The following DCC variants were observed in gnomAD, a reference collection of about 807,000 sequenced individuals.
The protein encoded by DCC is DCC netrin 1 receptor.
In DCC, 58 loss-of-function variants were observed where a neutral mutation model predicts 172.5. The observed-to-expected ratio is 0.34, with a 90% CI of 0.27 to 0.42. The LOEUF (loss-of-function observed/expected upper bound fraction) is 0.42. DCC is among the 10% of genes least tolerant of loss of function. The probability of loss-of-function intolerance (pLI) is 1.00; values close to 1 mark genes in which losing one functional copy is unlikely to be tolerated. For missense variants in DCC, 1,740 were observed against 1,791.0 expected (o/e 0.97, Z 0.51); for synonymous variants, 709 against 644.5 (o/e 1.10, Z -1.52).
chr18:53,216,690 A>T (rs1033989082), intron 12 of DCC, among the ~76,000 whole-genome samples: 21 of 152,196 alleles, frequency 1.4e-4, no homozygotes, highest in Admixed American at 1.3e-4. Flanking sequence ...GATTTGTCTC[A>T]GTCAAATGAA....
chr18:53,301,032 C>A (rs1045510245), intron 12 of DCC, among the ~76,000 whole-genome samples: 2 of 43,080 alleles, frequency 4.6e-5, no homozygotes, highest in African/African-American at 1.2e-4. Context: ...TTTTCTTTTT[C>A]TTTTTCTTCC....
chr18:52,564,669 G>C (rs757557523), intron 1 of DCC, among the ~76,000 whole-genome samples: 3 of 58,972 alleles, frequency 5.1e-5, no homozygotes, highest in Admixed American at 2.0e-4. Context: ...TATAATATTG[G>C]GGGGGGGGGT....
At chr18:52,410,945 A>G (rs1034954577) in intron 1 of DCC, among the ~76,000 whole-genome samples, 14 of 152,154 alleles carry the variant, frequency 9.2e-5, no homozygotes, top group Non-Finnish European at 1.9e-4. Flanking sequence ...ATCTGAGTCT[A>G]CTTAAAGCAC....
chr18:53,465,519 T>A (rs977036279), intron 24 of DCC, among the ~76,000 whole-genome samples: 1 of 152,158 alleles, frequency 6.6e-6, no homozygotes. Context: ...TGTTCTTGTC[T>A]GTAGTTTTAA....
intron 1 of DCC, among the ~76,000 whole-genome samples, chr18:52,407,200 CA>C (rs1986683181): frequency 6.6e-6 from 1 of 152,034 alleles, no homozygotes; most frequent in Admixed American, 6.6e-5. Flanking sequence ...TGGGGTCAGC[CA>C]GTCCTGAGTC....
chr18:52,994,492 G>A (rs1038930431), intron 5 of DCC, among the ~76,000 whole-genome samples: 1 of 152,094 alleles, frequency 6.6e-6, no homozygotes, highest in Non-Finnish European at 1.5e-5. Context: ...CTCAGTTTCT[G>A]GTGGGATATG....
chr18:52,568,268 G>A (rs967296411), intron 1 of DCC, among the ~76,000 whole-genome samples: 1 of 152,028 alleles, frequency 6.6e-6, no homozygotes, highest in Non-Finnish European at 1.5e-5. Flanking sequence ...CTACACAAAT[G>A]TCTACAGCTG....
At chr18:52,918,897 TA>T in intron 3 of DCC, among the ~76,000 whole-genome samples, 1 of 152,328 alleles carries the variant, frequency 6.6e-6, no homozygotes, top group South Asian at 2.1e-4. Context: ...ATATTTCAGT[TA>T]TTTTTTGCAG....
intron 1 of DCC, among the ~76,000 whole-genome samples, chr18:52,577,878 A>G (rs1188079261): frequency 1.3e-5 from 2 of 152,230 alleles, no homozygotes; most frequent in East Asian, 1.9e-4. Context: ...AAAAACAAGT[A>G]GTTGGACAGC....
intron 2 of DCC, among the ~76,000 whole-genome samples, chr18:52,869,646 G>A (rs1474935693): frequency 6.6e-6 from 1 of 152,192 alleles, no homozygotes; most frequent in African/African-American, 2.4e-5. Context: ...GCACCAGCAG[G>A]CCAGCACCGA....
intron 2 of DCC, among the ~76,000 whole-genome samples, chr18:52,768,629 T>C (rs2037292494): frequency 6.6e-6 from 1 of 152,206 alleles, no homozygotes; most frequent in Non-Finnish European, 1.5e-5. Context: ...CATAAGACCT[T>C]TTTCTAAAGC....
At chr18:52,421,459 C>G (rs1469958165) in intron 1 of DCC, among the ~76,000 whole-genome samples, 1 of 152,182 alleles carries the variant, frequency 6.6e-6, no homozygotes, top group African/African-American at 2.4e-5. Flanking sequence ...AGCAGAGATT[C>G]CCAGACTCCA....
intron 15 of DCC, among the ~76,000 whole-genome samples, chr18:53,357,579 A>T (rs2057891430): frequency 6.6e-6 from 1 of 152,214 alleles, no homozygotes; most frequent in African/African-American, 2.4e-5. Flanking sequence ...GTGCATCATA[A>T]GTATTGGTTA....
rs543339067 is a variant in DCC, at chr18:52,599,165, G to A, written c.92-152889G>A. Among the ~76,000 whole-genome samples the A allele has an allele frequency of 2.6e-5, 4 of 152,102 alleles. No individual in the cohort carries two copies. In the East Asian group the frequency reaches 5.8e-4, roughly 22 times the overall value. On this transcript the variant is annotated intron_variant, in intron 1 of 28. Transcript: ENST00000442544. ...GAGAAATACTGGAGCCAGGGAGACCGTTTTACAGTAATCTATCTGGGAGAT... is the reference window on the plus strand; with the variant it reads ...GAGAAATACTGGAGCCAGGGAGACCATTTTACAGTAATCTATCTGGGAGAT...
At chr18:52,405,903 A>G (rs886249637) in intron 1 of DCC, among the ~76,000 whole-genome samples, 6 of 151,764 alleles carry the variant, frequency 4.0e-5, no homozygotes, top group East Asian at 1.9e-4. Context: ...GAGGCATCAC[A>G]CTACCTGACT....
intron 11 of DCC, among the ~76,000 whole-genome samples, chr18:53,211,702 T>A (rs535881333): frequency 9.6e-4 from 146 of 151,608 alleles, no homozygotes; most frequent in Non-Finnish European, 1.5e-3. Context: ...GCAGCCTGGG[T>A]GACAGAGCGA....
chr18:52,531,499 T>C (rs2032149492), intron 1 of DCC, among the ~76,000 whole-genome samples: 1 of 152,210 alleles, frequency 6.6e-6, no homozygotes, highest in African/African-American at 2.4e-5. Flanking sequence ...GGTTTGTATT[T>C]GGCATTTAAA....
intron 5 of DCC, among the ~76,000 whole-genome samples, chr18:53,000,610 T>TA (rs1380854793): frequency 1.8e-4 from 16 of 89,442 alleles, no homozygotes; most frequent in Admixed American, 1.4e-3. Flanking sequence ...TTTTTTTTTT[T>TA]AACATCCAGA....
intron 1 of DCC, among the ~76,000 whole-genome samples, chr18:52,427,816 C>CTTCCTTTT (rs1987482495): frequency 7.7e-5 from 7 of 90,420 alleles, no homozygotes; most frequent in African/African-American, 3.0e-4. Flanking sequence ...TTCTTCCTTT[C>CTTCCTTTT]TTCCTTCCTT....
Sources: allele counts gnomAD v4.1 joint callset (sites outside exome capture counted in the v4.1 genomes callset), GRCh38; gene constraint gnomAD v4.1.1; transcripts MANE v1.5; gene names NCBI Gene and HGNC (gene_info 2026-07-23, HGNC 2026-07-21).